Variants in SYT9 observed in about 807,000 individuals in gnomAD.
SYT9 encodes synaptotagmin 9.
Under a neutral mutation model 48.4 loss-of-function variants are expected in SYT9, and 22 were observed. The observed-to-expected ratio is 0.45, with a 90% CI of 0.32 to 0.65. The LOEUF (loss-of-function observed/expected upper bound fraction) is 0.65, where lower values mean the gene tolerates loss of function less well. SYT9 is among the 30% of genes least tolerant of loss of function. SYT9 has a pLI of 0.03. For synonymous variants in SYT9, 265 were observed against 245.0 expected (o/e 1.08, Z -0.76); for missense variants, 577 against 622.0 (o/e 0.93, Z 0.77).
rs1848956334 is a variant in SYT9 at position 7,303,111 on chromosome 11, T to C, written c.218T>C (p.Val73Ala). The change falls in exon 2 of 7, where the codon GTA (valine) becomes GCA (alanine). Residue 73 changes from valine to alanine, a missense_variant. Physicochemically the swap from Val to Ala is moderately conservative, Grantham distance 64. Coordinates refer to ENST00000318881, the MANE Select transcript of SYT9 (RefSeq NM_175733.4). The part of the protein sequence containing the change: ...GLALFGVSLF[V>A]SWKLCWVPWR... ...GCTCTCTTTGGCGTGTCTCTCTTCGTATCTTGGAAACTCTGCTGGGTTCCG... is the reference window on the plus strand; with the variant it reads ...GCTCTCTTTGGCGTGTCTCTCTTCGCATCTTGGAAACTCTGCTGGGTTCCG... 5 of 1,614,204 alleles carry C rather than the reference T, an allele frequency of 3.1e-6. No individual in the cohort carries two copies. The highest frequency in any genetic ancestry group is 4.2e-6 in the Non-Finnish European group (5 of 1,180,038).
At chr11:7,353,378 C>G (rs1204887663) in intron 3 of SYT9, among the ~76,000 whole-genome samples, 1 of 152,158 alleles carries the variant, frequency 6.6e-6, no homozygotes, top group South Asian at 2.1e-4. Flanking sequence ...TCAGCCCCTG[C>G]AGCATATAGC....
At chr11:7,416,789 AT>A (rs1564896323) in intron 4 of SYT9, among the ~76,000 whole-genome samples, 2 of 152,300 alleles carry the variant, frequency 1.3e-5, no homozygotes, top group African/African-American at 4.8e-5. Context: ...ACAAGGGACA[AT>A]AGTACTCTCT....
chr11:7,245,904 G>A (rs941675447), intron 1 of SYT9, among the ~76,000 whole-genome samples: 1 of 152,178 alleles, frequency 6.6e-6, no homozygotes, highest in African/African-American at 2.4e-5. Flanking sequence ...AAATAATTGT[G>A]TAGGTCTGAG....
At chr11:7,259,463 A>G (rs2119804832) in intron 1 of SYT9, among the ~76,000 whole-genome samples, 1 of 152,236 alleles carries the variant, frequency 6.6e-6, no homozygotes, top group African/African-American at 2.4e-5. Context: ...ATGATAAATT[A>G]TAAACAGTGA....
intron 3 of SYT9, among the ~76,000 whole-genome samples, chr11:7,365,192 A>AG (rs2134021232): frequency 6.6e-6 from 1 of 152,222 alleles, no homozygotes; most frequent in South Asian, 2.1e-4. Context: ...GAAAAAAAAA[A>AG]GCGATGAAAT....
rs200413050 is a variant in SYT9 at position 7,270,842 on chromosome 11, C to G, written c.145+18511C>G. Among the ~76,000 whole-genome samples the G allele has an allele frequency of 5.6e-5, 8 of 144,088 alleles. No individual in the cohort carries two copies. The East Asian group carries it at 1.7e-3, about 31-fold the overall frequency. The allele number at this position is 144,088 out of a possible 152,430, so 94.5% of individuals were successfully genotyped here. A position where few individuals can be genotyped will look rare whatever the true frequency, so the allele number is the denominator to read the frequency against. ...GATGCACAAGACACAGACACACACA[C>G]ACACACACACACACACACACACACA... On this transcript the variant is annotated intron_variant, in intron 1 of 6. Coordinates refer to ENST00000318881, the MANE Select transcript of SYT9 (RefSeq NM_175733.4).
intron 6 of SYT9, among the ~76,000 whole-genome samples, chr11:7,422,488 G>T (rs976068478): frequency 2.0e-5 from 3 of 152,188 alleles, no homozygotes; most frequent in African/African-American, 7.2e-5. Context: ...GCTCCTGGTG[G>T]AATTCTCAAA....
chr11:7,251,315 C>G (rs1439690545), upstream of SYT9, among the ~76,000 whole-genome samples: 1 of 152,060 alleles, frequency 6.6e-6, no homozygotes, highest in East Asian at 1.9e-4. Context: ...CTAAGGGACC[C>G]ACGAAGCCCA....
rs1391059887 is a variant in SYT9 at position 7,468,351 on chromosome 11, CTTTG to C, written c.*1557_*1560del. 2.5e-6 allele frequency: 1 copy of C among 398,560 alleles called. No individual in the cohort carries two copies. Among genetic ancestry groups the C allele is most frequent in the Non-Finnish European group, 4.4e-6 (1 of 226,038 alleles). 24.7% of individuals were successfully genotyped at this position (398,560 alleles called of 1,614,324 possible). Reference sequence around the variant, plus strand: ...TGGCAGATCTAAGAAGGCTATAGGCCTTTGTTTGTAGGAAGCAGTGTCATTACAT... The same window carrying C: ...TGGCAGATCTAAGAAGGCTATAGGCCTTTGTAGGAAGCAGTGTCATTACAT... On this transcript the variant is annotated 3_prime_UTR_variant, in exon 7 of 7. Coordinates refer to ENST00000318881, the MANE Select transcript of SYT9 (RefSeq NM_175733.4).
intron 3 of SYT9, among the ~76,000 whole-genome samples, chr11:7,368,331 A>C (rs1480727228): frequency 7.7e-6 from 1 of 129,406 alleles, no homozygotes; most frequent in Non-Finnish European, 1.7e-5. Context: ...CAGATCTGAC[A>C]TTTGGATAAT....
At chr11:7,303,752 C>A (rs1278665261) in intron 2 of SYT9, among the ~76,000 whole-genome samples, 1 of 152,102 alleles carries the variant, frequency 6.6e-6, no homozygotes, top group Non-Finnish European at 1.5e-5. Context: ...TATGTAAATA[C>A]CCAGGTCAGG....
In SYT9 at chr11:7,252,296, T is replaced by C. The variant is rs927559642; in HGVS notation, c.110T>C (p.Leu37Pro). 4.6e-6 allele frequency: 7 copies of C among 1,510,082 alleles called. No homozygotes were observed. In the African/African-American group the frequency reaches 7.2e-5, roughly 16 times the overall value. The allele number at this position is 1,510,082 out of a possible 1,614,324, so 93.5% of individuals were successfully genotyped here. ...HDSCQDFIYH[L>P]RDRARPRLRD... ...AGCTGCCAGGATTTCATTTACCACC[T>C]GCGGGACCGTGCCAGACCCCGGCTC... Residue 37 changes from leucine (L) to proline (P), a missense_variant, in exon 1 of 7, where the codon CTG becomes CCG. Transcript: ENST00000318881. This position sits in a 1 kb window ranked among gnomAD's most constrained non-coding sequence, Gnocchi z 6.3.
Position 7,313,633 on chromosome 11 carries a change from A to G in SYT9, c.736A>G (p.Asn246Asp). Residue 246 changes from asparagine (N) to aspartate (D), a missense_variant, in exon 3 of 7, where the codon AAT becomes GAT. By Grantham distance (23) the Asn-to-Asp change is conservative. Coordinates refer to ENST00000318881, the MANE Select transcript of SYT9 (RefSeq NM_175733.4). ...CATAGTGAAGATTCACAAAGCTGTC[A>G]ATTTGCCCGCCAAGGACTTTTCTGG... is the stretch of plus-strand genomic sequence containing the variant. ...QLIVKIHKAV[N>D]LPAKDFSGTS... 1 of 1,614,140 alleles carries G rather than the reference A, an allele frequency of 6.2e-7. No homozygotes were observed. The highest frequency in any genetic ancestry group is 8.5e-7 in the Non-Finnish European group (1 of 1,180,016).
At chr11:7,289,417 G>T (rs1296960305) in intron 1 of SYT9, among the ~76,000 whole-genome samples, 1 of 152,166 alleles carries the variant, frequency 6.6e-6, no homozygotes, top group African/African-American at 2.4e-5. Flanking sequence ...CAGCACAACA[G>T]GATAAATGTA....
At chr11:7,244,198 C>G (rs7128297) in intron 1 of SYT9, among the ~76,000 whole-genome samples, 21,921 of 152,132 alleles carry the variant, frequency 0.14, 1,797 homozygotes, top group African/African-American at 0.2. Context: ...GCCAACAAAT[C>G]TCTATTTTCT....
chr11:7,444,497 A>G (rs1847893495), intron 6 of SYT9: 1 of 152,144 alleles, frequency 6.6e-6, no homozygotes, highest in East Asian at 1.9e-4. Context: ...AGAATTCAGC[A>G]TATTCATTTT....
At chr11:7,445,751 G>A (rs1218390674) in intron 6 of SYT9, among the ~76,000 whole-genome samples, 1 of 152,190 alleles carries the variant, frequency 6.6e-6, no homozygotes, top group South Asian at 2.1e-4. Context: ...TTCAGCCAGG[G>A]AGGCAATTTT....
chr11:7,465,547 C>T (rs982370651), intron 6 of SYT9, among the ~76,000 whole-genome samples: 2 of 152,184 alleles, frequency 1.3e-5, no homozygotes, highest in Non-Finnish European at 2.9e-5. Flanking sequence ...AAGTTGAATG[C>T]TGGGCTGAGT....
chr11:7,331,760 GC>G, intron 3 of SYT9, among the ~76,000 whole-genome samples: 1 of 152,084 alleles, frequency 6.6e-6, no homozygotes, highest in African/African-American at 2.4e-5. Context: ...TCCTCATTAA[GC>G]AACCCCTCTA....
Sources: allele counts gnomAD v4.1 joint callset (sites outside exome capture counted in the v4.1 genomes callset), GRCh38; gene constraint gnomAD v4.1.1; non-coding constraint Gnocchi (gnomAD v3.1); transcripts MANE v1.5; gene names NCBI Gene and HGNC (gene_info 2026-07-23, HGNC 2026-07-21).